Variants in STARD13 observed in about 807,000 individuals in gnomAD.
STARD13 encodes stAR-related lipid transfer protein 13.
Under a neutral mutation model 106.4 loss-of-function variants are expected in STARD13, and 62 were observed. The observed-to-expected ratio is 0.58, with a 90% confidence interval of 0.48 to 0.72. The LOEUF (loss-of-function observed/expected upper bound fraction) is 0.72, where lower values mean the gene tolerates loss of function less well. STARD13 is among the 30% of genes least tolerant of loss of function. The probability of loss-of-function intolerance (pLI) is 0.00; values close to 1 mark genes in which losing one functional copy is unlikely to be tolerated. For missense variants in STARD13, 1,387 were observed against 1,424.0 expected, an observed-to-expected ratio of 0.97 and a Z score of 0.42; for synonymous variants, 565 against 553.0, an observed-to-expected ratio of 1.02 and a Z score of -0.31.
Position 33,130,020 on chromosome 13 carries a change from G to A in STARD13, c.657C>T (p.Asn219=), listed in dbSNP as rs772095840. The stretch of plus-strand genomic sequence containing the variant: ...CGAGTGGGGCATCCAGCATGACCGG[G>A]TTGTCTGTACAGCACTGGCCCGGCT... ...RSQPGQCCTD[N]PVMLDAPLVS... The change falls in exon 5 of 14, where the codon AAC becomes AAT. Residue 219 remains asparagine (N), a synonymous_variant. Coordinates refer to ENST00000336934, the MANE Select transcript of STARD13 (RefSeq NM_178006.4). This position sits in a 1 kb window ranked among gnomAD's most constrained non-coding sequence, Gnocchi z 4.1. 2 of 1,613,316 alleles carry A rather than the reference G, an allele frequency of 1.2e-6. No individual in the cohort carries two copies. The highest frequency in any genetic ancestry group is 1.7e-6 in the Non-Finnish European group (2 of 1,179,778).
chr13:33,614,033 A>G, the STARD13 span, among the ~76,000 whole-genome samples: 2 of 152,234 alleles, frequency 1.3e-5, 1 homozygote, highest in East Asian at 3.9e-4. Flanking sequence ...ATTCTTTTCC[A>G]GTGGAGGGAT....
At chr13:33,564,538 A>G in the STARD13 span, among the ~76,000 whole-genome samples, 2 of 146,946 alleles carry the variant, frequency 1.4e-5, 1 homozygote, top group Non-Finnish European at 3.0e-5. Flanking sequence ...CTGGATGTGT[A>G]GCCAAAAGAA....
At chr13:33,415,399 G>C in the STARD13 span, among the ~76,000 whole-genome samples, 1 of 152,152 alleles carries the variant, frequency 6.6e-6, no homozygotes, top group Non-Finnish European at 1.5e-5. Flanking sequence ...ATAAATGCCT[G>C]TCAAGCATGG....
chr13:33,214,341 A>G (rs1423554960), intron 1 of STARD13, among the ~76,000 whole-genome samples: 6 of 152,370 alleles, frequency 3.9e-5, no homozygotes, highest in African/African-American at 1.4e-4. Flanking sequence ...TAAAAAGTCT[A>G]GGAATCCTAA....
At chr13:33,667,613 A>G in the STARD13 span, among the ~76,000 whole-genome samples, 1 of 152,216 alleles carries the variant, frequency 6.6e-6, no homozygotes, top group South Asian at 2.1e-4. Flanking sequence ...GCACCATTAG[A>G]TAATGTATCA....
At chr13:33,246,336 C>G (rs1179859224) in intron 1 of STARD13, among the ~76,000 whole-genome samples, 1 of 152,192 alleles carries the variant, frequency 6.6e-6, no homozygotes, top group African/African-American at 2.4e-5. Context: ...CCTATTCATT[C>G]ACTTTCTATG....
the STARD13 span, among the ~76,000 whole-genome samples, chr13:33,358,458 A>G: frequency 1.3e-5 from 2 of 152,198 alleles, no homozygotes; most frequent in East Asian, 3.9e-4. Context: ...TCTGGTGGGG[A>G]CGTGGAGAGT....
At chr13:33,178,161 T>C (rs143629737) in intron 1 of STARD13, among the ~76,000 whole-genome samples, 3 of 152,362 alleles carry the variant, frequency 2.0e-5, no homozygotes, top group East Asian at 3.9e-4. Context: ...CTAAGTATAC[T>C]ATCTATTTTA....
chr13:33,213,066 C>T (rs149941915), intron 1 of STARD13, among the ~76,000 whole-genome samples: 162 of 152,136 alleles, frequency 1.1e-3, no homozygotes, highest in Middle Eastern at 3.4e-3. Flanking sequence ...AAAAAGGTTC[C>T]GTAAGAAAAA....
the STARD13 span, among the ~76,000 whole-genome samples, chr13:33,387,323 CAAT>C: frequency 3.2e-4 from 48 of 152,194 alleles, no homozygotes; most frequent in Non-Finnish European, 6.3e-4. Flanking sequence ...GTTTTCATCT[CAAT>C]AGTAGGGAAT....
At chr13:33,344,089 A>G (rs779833695), downstream of STARD13, among the ~76,000 whole-genome samples, 1 of 152,130 alleles carries the variant, frequency 6.6e-6, no homozygotes, top group African/African-American at 2.4e-5. Context: ...GTGGTTCTCA[A>G]CCTGGACTGC....
intron 1 of STARD13, among the ~76,000 whole-genome samples, chr13:33,256,173 C>T (rs530470551): frequency 1.1e-3 from 167 of 152,358 alleles, no homozygotes; most frequent in African/African-American, 3.8e-3. Context: ...TGCCTTGAAC[C>T]TGTCACCAGC....
chr13:33,258,269 A>G (rs1263502519), intron 1 of STARD13, among the ~76,000 whole-genome samples: 1 of 152,228 alleles, frequency 6.6e-6, no homozygotes, highest in Non-Finnish European at 1.5e-5. Flanking sequence ...GCCCACCCAT[A>G]TTATGTGATT....
chr13:33,498,198 ATAGT>A, the STARD13 span, among the ~76,000 whole-genome samples: 2 of 152,220 alleles, frequency 1.3e-5, no homozygotes, highest in African/African-American at 2.4e-5. Context: ...TCAATATGAA[ATAGT>A]TAGAAGCACA....
intron 1 of STARD13, among the ~76,000 whole-genome samples, chr13:33,189,422 C>T (rs1008895581): frequency 4.5e-5 from 1 of 22,252 alleles, no homozygotes; most frequent in Non-Finnish European, 1.1e-4. Context: ...TGCTTTCCCT[C>T]CTTCCTCCTT....
At chr13:33,631,072 T>C in the STARD13 span, among the ~76,000 whole-genome samples, 8 of 152,218 alleles carry the variant, frequency 5.3e-5, no homozygotes, top group Non-Finnish European at 1.0e-4. Context: ...GTGCATTATA[T>C]ACCGGTGGAA....
At chr13:33,454,371 C>A in the STARD13 span, among the ~76,000 whole-genome samples, 1 of 152,216 alleles carries the variant, frequency 6.6e-6, no homozygotes, top group African/African-American at 2.4e-5. Flanking sequence ...TCTGGAGGCT[C>A]TTCCCAACTT....
the STARD13 span, among the ~76,000 whole-genome samples, chr13:33,660,600 A>G: frequency 6.6e-6 from 1 of 152,132 alleles, no homozygotes; most frequent in South Asian, 2.1e-4. Context: ...TTTGTTTTTC[A>G]AGAGACAAGA....
chr13:33,519,076 A>T, the STARD13 span, among the ~76,000 whole-genome samples: 1 of 151,982 alleles, frequency 6.6e-6, no homozygotes, highest in Non-Finnish European at 1.5e-5. Context: ...TCAATATCTG[A>T]TCAGATTCAT....
Sources: allele counts gnomAD v4.1 joint callset (sites outside exome capture counted in the v4.1 genomes callset), GRCh38; gene constraint gnomAD v4.1.1; non-coding constraint Gnocchi (gnomAD v3.1); transcripts MANE v1.5; gene names NCBI Gene and HGNC (gene_info 2026-07-23, HGNC 2026-07-21).